Variants in LEF1 observed in about 807,000 individuals in gnomAD.
LEF1 encodes the protein lymphoid enhancer binding factor 1.
Under a neutral mutation model 51.2 loss-of-function variants are expected in LEF1, and 14 were observed. The ratio of observed to expected loss-of-function variants is 0.27; its 90% CI spans 0.18 to 0.43. The LOEUF is 0.43. Among genes scored for constraint, LEF1 ranks in the 20% least tolerant of loss-of-function variants. LEF1 has a pLI of 1.00. For synonymous variants in LEF1, 185 were observed against 183.2 expected, an observed-to-expected ratio of 1.01 and a Z score of -0.08; for missense variants, 386 against 512.0, an observed-to-expected ratio of 0.75 and a Z score of 2.37.
At chr4:108,163,746 T>A (rs1297608919) in intron 2 of LEF1, 45 bp from the exon 3 acceptor site, 1 of 1,591,758 alleles carries the variant, frequency 6.3e-7, no homozygotes, top group Admixed American at 1.8e-5. Flanking sequence ...GACTTCCCTT[T>A]TATATTACTG....
At chr4:108,163,187 T>C (rs148429778) in intron 3 of LEF1, among the ~76,000 whole-genome samples, 2 of 152,286 alleles carry the variant, frequency 1.3e-5, no homozygotes, top group East Asian at 3.9e-4. Context: ...GTAGCTCTGA[T>C]TCTAGAAAGC....
chr4:108,148,567 G>A (rs1744137303), intron 3 of LEF1, among the ~76,000 whole-genome samples: 1 of 152,174 alleles, frequency 6.6e-6, no homozygotes, highest in Admixed American at 6.5e-5. Flanking sequence ...GTTTGCACAA[G>A]TGTCTCTCCC....
At chr4:108,109,164 GA>G (rs1560796381) in intron 3 of LEF1, among the ~76,000 whole-genome samples, 1 of 151,992 alleles carries the variant, frequency 6.6e-6, no homozygotes, top group African/African-American at 2.4e-5. Flanking sequence ...CCCCTGTGCA[GA>G]ACTAATTAAA....
intron 3 of LEF1, among the ~76,000 whole-genome samples, chr4:108,129,978 A>T (rs1742769458): frequency 6.6e-6 from 1 of 152,212 alleles, no homozygotes; most frequent in Admixed American, 6.5e-5. Flanking sequence ...AAGCTGTGTT[A>T]TGAGTAACGA....
chr4:108,125,686 ACTTG>A (rs1050274334), intron 3 of LEF1, among the ~76,000 whole-genome samples: 1 of 151,692 alleles, frequency 6.6e-6, no homozygotes, highest in Non-Finnish European at 1.5e-5. Flanking sequence ...TAGAAAAATC[ACTTG>A]CTTGGTACAT....
intron 3 of LEF1, among the ~76,000 whole-genome samples, chr4:108,126,224 A>T (rs1311988833): frequency 6.6e-6 from 1 of 152,172 alleles, no homozygotes; most frequent in Non-Finnish European, 1.5e-5. Context: ...CAGAGATTTC[A>T]TGGATATTTT....
At chr4:108,091,442 T>G (rs1328331970) in intron 3 of LEF1, among the ~76,000 whole-genome samples, 2 of 47,316 alleles carry the variant, frequency 4.2e-5, no homozygotes, top group East Asian at 9.6e-4. Context: ...CAAAAGAAAC[T>G]TACGGGGGGG....
At chr4:108,053,214 G>C (rs1374859500) in intron 11 of LEF1, among the ~76,000 whole-genome samples, 1 of 152,038 alleles carries the variant, frequency 6.6e-6, no homozygotes, top group Non-Finnish European at 1.5e-5. Flanking sequence ...AGAAACAAAC[G>C]CATAAGTTAA....
At chr4:108,158,113 G>A (rs755004769) in intron 3 of LEF1, among the ~76,000 whole-genome samples, 9 of 150,662 alleles carry the variant, frequency 6.0e-5, no homozygotes, top group Non-Finnish European at 1.3e-4. Flanking sequence ...TTCTCTATCT[G>A]AGATACTGGA....
chr4:108,092,418 C>A (rs1277942191), intron 3 of LEF1, among the ~76,000 whole-genome samples: 2 of 152,138 alleles, frequency 1.3e-5, no homozygotes, highest in African/African-American at 4.8e-5. Flanking sequence ...ATAAACAGAA[C>A]AAAGTGGATT....
chr4:108,065,358 G>C (rs564724281), intron 9 of LEF1, among the ~76,000 whole-genome samples: 2 of 152,174 alleles, frequency 1.3e-5, no homozygotes, highest in South Asian at 2.1e-4. Flanking sequence ...GGTGGCGTGC[G>C]CCTGTAATCT....
chr4:108,070,791 G>GA (rs1441087006), intron 8 of LEF1, 21 bp from the exon 9 acceptor site: 10 of 1,537,672 alleles, frequency 6.5e-6, no homozygotes, highest in South Asian at 1.2e-5. Flanking sequence ...GAGGAAGGAA[G>GA]AAAAAAACAA....
At chr4:108,118,808 T>G (rs1168137530) in intron 3 of LEF1, among the ~76,000 whole-genome samples, 1 of 152,168 alleles carries the variant, frequency 6.6e-6, no homozygotes, top group Admixed American at 6.5e-5. Flanking sequence ...CTCATTTTCT[T>G]TAATGAGACA....
intron 3 of LEF1, among the ~76,000 whole-genome samples, chr4:108,149,852 CA>C: frequency 6.6e-6 from 1 of 151,224 alleles, no homozygotes; most frequent in South Asian, 2.1e-4. Context: ...AACAATTCAT[CA>C]AAATGAAACC....
chr4:108,073,487 C>CA (rs962519286), intron 8 of LEF1, among the ~76,000 whole-genome samples: 1 of 151,570 alleles, frequency 6.6e-6, no homozygotes, highest in South Asian at 2.1e-4. Context: ...AAATTAGGGA[C>CA]AAAAAAAATA....
chr4:108,068,507 G>A (rs894423311), intron 9 of LEF1, among the ~76,000 whole-genome samples: 1 of 152,116 alleles, frequency 6.6e-6, no homozygotes, highest in Non-Finnish European at 1.5e-5. Context: ...CCACCACTGG[G>A]TTGCTGTCAA....
At chr4:108,067,532 C>CTT (rs777318718) in intron 9 of LEF1, among the ~76,000 whole-genome samples, 1 of 139,274 alleles carries the variant, frequency 7.2e-6, no homozygotes. Flanking sequence ...TTAGAAGATC[C>CTT]TTTTTTTTTT....
chr4:108,070,578 A>G (rs1578304282), intron 9 of LEF1, 85 bp downstream of exon 9: 2 of 852,496 alleles, frequency 2.3e-6, no homozygotes, highest in South Asian at 1.6e-5. Context: ...CCAGCATTAT[A>G]TACACCTAAA....
intron 1 of LEF1, chr4:108,166,644 T>C (rs556506419): frequency 1.3e-5 from 13 of 1,032,724 alleles, no homozygotes; most frequent in Non-Finnish European, 1.5e-5. Context: ...CTCTATTTAC[T>C]CTACTCAGGT....
Sources: allele counts gnomAD v4.1 joint callset (sites outside exome capture counted in the v4.1 genomes callset), GRCh38; gene constraint gnomAD v4.1.1; transcripts MANE v1.5; gene names NCBI Gene and HGNC (gene_info 2026-07-23, HGNC 2026-07-21).